C10orf90: variants seen among roughly 807,000 people sequenced by gnomAD.
The protein encoded by C10orf90 is (E2-independent) E3 ubiquitin-conjugating enzyme FATS.
In C10orf90, 56 loss-of-function variants were observed where a neutral mutation model predicts 62.5. The ratio of observed to expected loss-of-function variants is 0.90; its 90% CI spans 0.72 to 1.12. C10orf90 has a LOEUF of 1.12. C10orf90 is among the 50% of genes most tolerant of loss of function. C10orf90 has a pLI of 0.00. For missense variants in C10orf90, 970 were observed against 880.4 expected, an observed-to-expected ratio of 1.10 and a Z score of -1.29; for synonymous variants, 386 against 340.4, an observed-to-expected ratio of 1.13 and a Z score of -1.47.
intron 1 of C10orf90, among the ~76,000 whole-genome samples, chr10:126,647,054 C>T (rs1006442370): frequency 2.6e-5 from 4 of 152,088 alleles, no homozygotes; most frequent in Admixed American, 6.5e-5. Flanking sequence ...CAATTTCAGG[C>T]GTTTAGGACC....
chr10:126,579,530 C>T (rs1284073093), intron 2 of C10orf90, among the ~76,000 whole-genome samples: 6 of 152,014 alleles, frequency 3.9e-5, no homozygotes, highest in Non-Finnish European at 7.4e-5. Flanking sequence ...CATGAGCCAC[C>T]GCACCCAGCC....
chr10:126,588,415 C>T (rs1051912331), intron 2 of C10orf90, among the ~76,000 whole-genome samples: 2 of 152,160 alleles, frequency 1.3e-5, no homozygotes, highest in African/African-American at 4.8e-5. Flanking sequence ...CCAGTAACCT[C>T]CTACAGGAGT....
At chr10:126,536,294 C>T (rs1286058691) in intron 2 of C10orf90, among the ~76,000 whole-genome samples, 2 of 152,184 alleles carry the variant, frequency 1.3e-5, no homozygotes, top group African/African-American at 2.4e-5. Flanking sequence ...GGAAGCATCT[C>T]CCTGTCATGG....
rs563596680 is a variant in C10orf90 at position 126,492,697 on chromosome 10, T to C, written c.1534+11260A>G. ...AACATTCAATATCTTTCTGAAAAGA[T>C]GCAAATTAATAAATCATAAGTATCA... On this transcript the variant is annotated intron_variant, in intron 4 of 9. Coordinates refer to ENST00000488181, the MANE Select transcript of C10orf90 (RefSeq NM_001350921.2). Among the ~76,000 whole-genome samples the C allele has an allele frequency of 5.9e-5, 9 of 152,310 alleles. No individual in the cohort carries two copies. In the South Asian group the frequency reaches 1.9e-3, roughly 32 times the overall value.
intron 7 of C10orf90, among the ~76,000 whole-genome samples, chr10:126,447,534 A>C (rs1281980620): frequency 6.6e-6 from 1 of 152,190 alleles, no homozygotes; most frequent in Admixed American, 6.5e-5. Context: ...TAAATATATA[A>C]AGCAAATAAT....
chr10:126,585,032 C>T (rs559966713), intron 2 of C10orf90, among the ~76,000 whole-genome samples: 2 of 152,040 alleles, frequency 1.3e-5, no homozygotes, highest in East Asian at 2.0e-4. Context: ...TATCAGATTT[C>T]GATCTGGGAG....
intron 2 of C10orf90, among the ~76,000 whole-genome samples, chr10:126,528,172 A>G (rs998160087): frequency 1.3e-5 from 2 of 152,122 alleles, no homozygotes; most frequent in African/African-American, 4.8e-5. Context: ...GAGACGGGGA[A>G]GGAGAGGTGC....
chr10:126,474,194 G>A (rs1374914874), intron 4 of C10orf90, among the ~76,000 whole-genome samples: 7 of 152,146 alleles, frequency 4.6e-5, no homozygotes, highest in East Asian at 3.9e-4. Context: ...GTGCAAGCCC[G>A]GGGGTCTCTG....
At chr10:126,664,666 T>C (rs1381352075) in intron 1 of C10orf90, among the ~76,000 whole-genome samples, 3 of 152,136 alleles carry the variant, frequency 2.0e-5, no homozygotes, top group Non-Finnish European at 4.4e-5. Context: ...CTGGTGGAAA[T>C]TTACCAAAAT....
At chr10:126,448,160 G>A (rs986437499) in intron 7 of C10orf90, among the ~76,000 whole-genome samples, 20 of 150,280 alleles carry the variant, frequency 1.3e-4, no homozygotes, top group Non-Finnish European at 2.7e-4. Flanking sequence ...CTGAGCCACC[G>A]CACCCGGCCA....
intron 7 of C10orf90, among the ~76,000 whole-genome samples, chr10:126,443,573 T>C (rs1858540705): frequency 1.3e-5 from 2 of 152,140 alleles, no homozygotes; most frequent in South Asian, 4.2e-4. Context: ...CACAGATGAA[T>C]TCTAGAGCAG....
chr10:126,589,755 C>A (rs554563613), intron 2 of C10orf90, among the ~76,000 whole-genome samples: 47 of 152,306 alleles, frequency 3.1e-4, no homozygotes, highest in African/African-American at 1.0e-3. Flanking sequence ...CAAAAACACA[C>A]TGAAGTGCAT....
At chr10:126,522,616 G>A (rs1198355881) in intron 2 of C10orf90, 4 of 152,194 alleles carry the variant, frequency 2.6e-5, no homozygotes, top group Non-Finnish European at 4.4e-5. Context: ...CCTGCTAAAC[G>A]CTGGACAGGT....
Position 126,481,406 on chromosome 10 carries a change from G to C in C10orf90, c.1535-16420C>G, listed in dbSNP as rs1218634828. 4.6e-5 allele frequency among the ~76,000 whole-genome samples: 7 copies of C among 152,348 alleles called. No individual in the cohort carries two copies. In the East Asian group the frequency reaches 1.4e-3, roughly 29 times the overall value. On this transcript the variant is annotated intron_variant, in intron 4 of 9. Transcript: ENST00000488181. ...GACACATGGCACTCAATAAACATTT[G>C]TCAAGTGACTTATATCATCATTTAA...
intron 3 of C10orf90, among the ~76,000 whole-genome samples, chr10:126,508,900 G>A (rs377614018): frequency 1.3e-5 from 2 of 152,272 alleles, no homozygotes; most frequent in South Asian, 4.2e-4. Context: ...GGGAATGAGT[G>A]AATGTCATCT....
chr10:126,621,696 T>C (rs138132514), intron 2 of C10orf90, among the ~76,000 whole-genome samples: 2 of 152,362 alleles, frequency 1.3e-5, no homozygotes, highest in Non-Finnish European at 1.5e-5. Context: ...GTTATTTCAG[T>C]CTGACAATCT....
chr10:126,433,956 TC>T (rs1402962022), intron 7 of C10orf90, among the ~76,000 whole-genome samples: 4 of 152,140 alleles, frequency 2.6e-5, no homozygotes, highest in Admixed American at 2.0e-4. Flanking sequence ...GGTGGTGTTT[TC>T]CCCCAGTAAA....
At chr10:126,572,121 T>C (rs1844518905) in intron 2 of C10orf90, among the ~76,000 whole-genome samples, 1 of 152,130 alleles carries the variant, frequency 6.6e-6, no homozygotes, top group South Asian at 2.1e-4. Flanking sequence ...TAAAGCATTC[T>C]TAGTCACAGG....
At chr10:126,563,778 C>A (rs77643221) in intron 2 of C10orf90, among the ~76,000 whole-genome samples, 1 of 152,174 alleles carries the variant, frequency 6.6e-6, no homozygotes, top group Non-Finnish European at 1.5e-5. Context: ...GAATTGGCGG[C>A]GGCAGCTGAT....
Sources: gnomAD v4.1 joint callset for allele counts (sites outside exome capture counted in the v4.1 genomes callset) on GRCh38, gnomAD v4.1.1 for gene constraint, MANE v1.5 for transcripts, NCBI Gene and HGNC (gene_info 2026-07-23, HGNC 2026-07-21) for gene names.